LARS2: variants seen among roughly 807,000 people sequenced by gnomAD.
The protein encoded by LARS2 is leucine--tRNA ligase, mitochondrial.
In LARS2, 81 loss-of-function variants were observed where a neutral mutation model predicts 116.6. The observed-to-expected ratio is 0.69, with a 90% CI of 0.58 to 0.84. The LOEUF is 0.84. Ranked by LOEUF, LARS2 falls within the 40% of genes least tolerant of loss-of-function variation. LARS2 has a pLI of 0.00. For synonymous variants in LARS2, 396 were observed against 407.2 expected, an observed-to-expected ratio of 0.97 and a Z score of 0.33; for missense variants, 968 against 1,114.5, an observed-to-expected ratio of 0.87 and a Z score of 1.87.
At chr3:45,401,980 CA>C (rs2125676711) in intron 4 of LARS2, among the ~76,000 whole-genome samples, 1 of 152,270 alleles carries the variant, frequency 6.6e-6, no homozygotes, top group South Asian at 2.1e-4. Flanking sequence ...GTTGGATAAT[CA>C]TAATATCTTC....
intron 4 of LARS2, among the ~76,000 whole-genome samples, chr3:45,401,107 G>A (rs527917891): frequency 4.6e-5 from 7 of 152,204 alleles, no homozygotes; most frequent in African/African-American, 7.2e-5. Flanking sequence ...CACCATGCCC[G>A]GCAGAGCATG....
intron 16 of LARS2, among the ~76,000 whole-genome samples, chr3:45,513,610 G>A (rs1316637701): frequency 6.6e-6 from 1 of 152,208 alleles, no homozygotes; most frequent in Non-Finnish European, 1.5e-5. Context: ...GGTACTCCCA[G>A]TGTTTCTCCC....
intron 6 of LARS2, among the ~76,000 whole-genome samples, chr3:45,438,393 G>A (rs1156918827): frequency 6.6e-6 from 1 of 152,084 alleles, no homozygotes; most frequent in African/African-American, 2.4e-5. Flanking sequence ...TGCCACCCAG[G>A]AGCTGGGCAG....
At position 45,458,811 on chromosome 3, in the gene LARS2, T is replaced by A; in HGVS notation, c.675T>A (p.Cys225Ter). The part of the protein sequence containing the change: ...LANEQVDEHG[C>*]SWRSGAKVEQ... ...ATGAGCAGGTGGATGAACATGGCTG[T>A]TCATGGCGTTCTGGAGCAAAGGTGG... is the stretch of plus-strand genomic sequence containing the variant. Residue 225 changes from cysteine (C) to a stop codon, truncating the protein, a stop_gained, in exon 8 of 22, where the codon TGT becomes TGA. Transcript: ENST00000645846. LOFTEE classifies it high-confidence loss of function. 1 of 1,614,118 alleles carries A rather than the reference T, an allele frequency of 6.2e-7. No homozygotes were observed. Among genetic ancestry groups the A allele is most frequent in the Non-Finnish European group, 8.5e-7 (1 of 1,179,982 alleles).
At chr3:45,535,506 G>A (rs1700687772) in intron 20 of LARS2, among the ~76,000 whole-genome samples, 1 of 152,148 alleles carries the variant, frequency 6.6e-6, no homozygotes, top group Admixed American at 6.6e-5. Context: ...AGGGGAATAT[G>A]CTGATTGAAA....
At chr3:45,442,661 C>A (rs1368049862) in intron 6 of LARS2, among the ~76,000 whole-genome samples, 1 of 152,114 alleles carries the variant, frequency 6.6e-6, no homozygotes, top group Non-Finnish European at 1.5e-5. Flanking sequence ...TGGTAGAAGG[C>A]TTGGTGGTCG....
intron 21 of LARS2, among the ~76,000 whole-genome samples, chr3:45,546,194 C>T (rs1700873913): frequency 6.6e-6 from 1 of 152,158 alleles, no homozygotes; most frequent in Admixed American, 6.5e-5. Flanking sequence ...CAGGACTTCA[C>T]TAGGGGCATG....
At position 45,438,175 on chromosome 3, in the gene LARS2, T is replaced by C. The variant is rs557571813; in HGVS notation, c.517-8716T>C. On this transcript the variant is annotated intron_variant, in intron 6 of 21. Transcript: ENST00000645846. ...TAAGCATTAGCTGTTACTGTTGTTA[T>C]TACTGTTGTCATTCCTAAAAGAATA... 4.6e-5 allele frequency among the ~76,000 whole-genome samples: 7 copies of C among 152,308 alleles called. No individual in the cohort carries two copies. The South Asian group carries it at 1.0e-3, about 23-fold the overall frequency.
At chr3:45,444,307 C>G (rs1305267334) in intron 6 of LARS2, among the ~76,000 whole-genome samples, 2 of 150,678 alleles carry the variant, frequency 1.3e-5, no homozygotes, top group Non-Finnish European at 3.0e-5. Context: ...GCCACTGCGC[C>G]CAGCCCTTTT....
chr3:45,513,309 G>A (rs1192000497), intron 16 of LARS2, 74 bp downstream of exon 16: 2 of 965,690 alleles, frequency 2.1e-6, no homozygotes, highest in African/African-American at 3.2e-5. Context: ...TACTGAGCAA[G>A]CAGGCATCTG....
At chr3:45,519,210 G>T (rs116165161) in intron 18 of LARS2, among the ~76,000 whole-genome samples, 6,981 of 152,114 alleles carry the variant, frequency 0.046, 239 homozygotes, top group Non-Finnish European at 0.067. Context: ...ATGTAAAATT[G>T]ACAAGGCGCA....
At chr3:45,437,784 C>T (rs1224117168) in intron 6 of LARS2, among the ~76,000 whole-genome samples, 1 of 152,178 alleles carries the variant, frequency 6.6e-6, no homozygotes, top group Non-Finnish European at 1.5e-5. Context: ...ACTCATTCAA[C>T]ATTTATTAAG....
At chr3:45,447,066 T>G (rs1386937896) in intron 7 of LARS2, 86 bp downstream of exon 7, 29 of 756,590 alleles carry the variant, frequency 3.8e-5, no homozygotes, top group Non-Finnish European at 6.4e-5. Flanking sequence ...GAACGCTACC[T>G]CAAGTTCATA....
At chr3:45,419,593 T>C in intron 5 of LARS2, 76 bp from the exon 6 acceptor site, 1 of 1,032,594 alleles carries the variant, frequency 9.7e-7, no homozygotes, top group Non-Finnish European at 1.5e-6. Context: ...AGTTTCCCTT[T>C]ACATTCTCAA....
At chr3:45,430,745 G>C (rs111433095) in intron 6 of LARS2, among the ~76,000 whole-genome samples, 7 of 143,102 alleles carry the variant, frequency 4.9e-5, no homozygotes, top group East Asian at 2.1e-4. Flanking sequence ...CCACCACGCC[G>C]GACTAATTTT....
chr3:45,528,180 T>A (rs1014918436), intron 20 of LARS2, among the ~76,000 whole-genome samples: 2 of 152,028 alleles, frequency 1.3e-5, no homozygotes, highest in Non-Finnish European at 2.9e-5. Flanking sequence ...CTACAAAAAA[T>A]TTTAAAATTA....
chr3:45,478,609 T>C (rs1699651872), intron 10 of LARS2, among the ~76,000 whole-genome samples: 1 of 152,358 alleles, frequency 6.6e-6, no homozygotes, highest in Non-Finnish European at 1.5e-5. Context: ...TTGGCAAATT[T>C]AGTGCCAAGT....
At chr3:45,497,640 C>A (rs1215585834) in intron 14 of LARS2, among the ~76,000 whole-genome samples, 2 of 152,140 alleles carry the variant, frequency 1.3e-5, no homozygotes, top group East Asian at 3.9e-4. Context: ...GGCATGGTGG[C>A]TCACGCCTGT....
chr3:45,432,839 C>A (rs1698740991), intron 6 of LARS2, among the ~76,000 whole-genome samples: 1 of 151,950 alleles, frequency 6.6e-6, no homozygotes, highest in Admixed American at 6.6e-5. Flanking sequence ...AAAGTTGATT[C>A]TTTGAAAAAA....
Sources: gnomAD v4.1 joint callset for allele counts (sites outside exome capture counted in the v4.1 genomes callset) on GRCh38, gnomAD v4.1.1 for gene constraint, MANE v1.5 for transcripts, NCBI Gene and HGNC (gene_info 2026-07-23, HGNC 2026-07-21) for gene names.